VRK2: variants seen among roughly 807,000 people sequenced by gnomAD.
VRK2 encodes the protein serine/threonine-protein kinase VRK2.
A neutral mutation model predicts 57.6 loss-of-function variants in VRK2; 60 were observed. The ratio of observed to expected loss-of-function variants is 1.04; its 90% CI spans 0.85 to 1.29. The LOEUF (loss-of-function observed/expected upper bound fraction) is 1.29, where lower values mean the gene tolerates loss of function less well. VRK2 is among the 50% of genes most tolerant of loss of function. VRK2 has a pLI of 0.00. For missense variants in VRK2, 705 were observed against 588.1 expected (o/e 1.20, Z -2.06); for synonymous variants, 231 against 199.2 (o/e 1.16, Z -1.35).
At chr2:57,926,289 G>A (rs10188826) in intron 1 of VRK2, among the ~76,000 whole-genome samples, 45,012 of 151,514 alleles carry the variant, frequency 0.3, 7,845 homozygotes, top group African/African-American at 0.5. Flanking sequence ...TTGATTTTCT[G>A]TCTGGATGAT....
At chr2:58,108,942 A>T (rs1250559067) in intron 7 of VRK2, among the ~76,000 whole-genome samples, 1 of 152,204 alleles carries the variant, frequency 6.6e-6, no homozygotes, top group Non-Finnish European at 1.5e-5. Context: ...TTCTCAAAAG[A>T]TCTTAAAATA....
At chr2:58,126,766 C>T (rs981316501) in intron 8 of VRK2, among the ~76,000 whole-genome samples, 2 of 151,838 alleles carry the variant, frequency 1.3e-5, no homozygotes, top group African/African-American at 4.8e-5. Flanking sequence ...TTTATAAAAA[C>T]TAACATGTAT....
In VRK2 at chr2:58,131,843, T is replaced by C; in HGVS notation, c.712T>C (p.Tyr238His). The stretch of plus-strand genomic sequence containing the variant: ...ACGAAGTGACGTTGAGATCCTCGGC[T>C]ACTGCATGCTGCGGTGGTTGTGTGG... ...SRRSDVEILG[Y>H]CMLRWLCGKL... Residue 238 changes from tyrosine to histidine, a missense_variant, in exon 9 of 13, where the codon TAC (tyrosine) becomes CAC (histidine). By Grantham distance (83) the Tyr-to-His change is moderately conservative. Transcript: ENST00000340157. 6.2e-7 allele frequency: 1 copy of C among 1,613,974 alleles called. No individual in the cohort carries two copies. The highest frequency in any genetic ancestry group is 8.5e-7 in the Non-Finnish European group (1 of 1,179,928).
rs548364352 is a variant in VRK2, at chr2:58,089,414, C to T, written c.451-217C>T. Reference sequence around the variant, plus strand: ...TCTTGATTTTCTTCCTTTGGAACTTCAACTAAAATACTTGATTTTTGAGGA... The same window carrying T: ...TCTTGATTTTCTTCCTTTGGAACTTTAACTAAAATACTTGATTTTTGAGGA... On this transcript the variant is annotated intron_variant, in intron 6 of 12. Coordinates refer to ENST00000340157, the MANE Select transcript of VRK2 (RefSeq NM_006296.7). Among the ~76,000 whole-genome samples, 12 of 152,258 alleles carry T rather than the reference C, an allele frequency of 7.9e-5. No homozygotes were observed. In the East Asian group the frequency reaches 2.1e-3, roughly 27 times the overall value.
intron 3 of VRK2, among the ~76,000 whole-genome samples, chr2:58,034,275 G>A (rs1284759783): frequency 6.6e-6 from 1 of 151,934 alleles, no homozygotes; most frequent in Non-Finnish European, 1.5e-5. Context: ...TCTCACAGTT[G>A]TTGTTTTGGG....
chr2:58,035,907 G>C (rs946514511), intron 3 of VRK2, among the ~76,000 whole-genome samples: 4 of 152,024 alleles, frequency 2.6e-5, no homozygotes, highest in Non-Finnish European at 5.9e-5. Flanking sequence ...CCTCAAAATA[G>C]AGTTGTTCTT....
chr2:58,008,420 C>T (rs1673318762), intron 1 of VRK2, among the ~76,000 whole-genome samples: 1 of 151,770 alleles, frequency 6.6e-6, no homozygotes, highest in Admixed American at 6.6e-5. Context: ...CAGACAAATC[C>T]ACAATAATAG....
At chr2:58,038,832 A>G (rs960316849) in intron 3 of VRK2, among the ~76,000 whole-genome samples, 2 of 152,148 alleles carry the variant, frequency 1.3e-5, no homozygotes, top group African/African-American at 4.8e-5. Context: ...TGTCAATTTA[A>G]TATGCAAGCC....
chr2:58,145,806 G>A (rs1407267120), intron 11 of VRK2, among the ~76,000 whole-genome samples: 2 of 151,768 alleles, frequency 1.3e-5, no homozygotes, highest in Non-Finnish European at 2.9e-5. Context: ...CCCAGTGTGT[G>A]ATGTTCCCTA....
intron 6 of VRK2, among the ~76,000 whole-genome samples, chr2:58,089,386 G>A (rs1483925323): frequency 6.6e-6 from 1 of 152,138 alleles, no homozygotes; most frequent in Non-Finnish European, 1.5e-5. Context: ...AAGCATTTTT[G>A]AATCTTGATT....
chr2:58,038,365 A>G (rs1412531778), intron 3 of VRK2, among the ~76,000 whole-genome samples: 1 of 152,118 alleles, frequency 6.6e-6, no homozygotes, highest in Non-Finnish European at 1.5e-5. Flanking sequence ...TCTTTCCTTT[A>G]TAAACTACCC....
chr2:58,067,891 TTTTTCTTTTCTTTTC>T (rs553496866), intron 2 of VRK2, among the ~76,000 whole-genome samples: 3 of 151,872 alleles, frequency 2.0e-5, no homozygotes, highest in African/African-American at 4.8e-5. Context: ...TCAATATCTT[TTTTTCTTTTCTTTTC>T]TTTTCTTTTC....
At chr2:57,983,910 C>A (rs1264350693) in intron 1 of VRK2, among the ~76,000 whole-genome samples, 1 of 151,994 alleles carries the variant, frequency 6.6e-6, no homozygotes, top group Non-Finnish European at 1.5e-5. Flanking sequence ...AAGATAAAGT[C>A]ATCAATATTG....
chr2:58,040,917 A>T, intron 3 of VRK2: 2 of 583,982 alleles, frequency 3.4e-6, no homozygotes, highest in Non-Finnish European at 4.3e-6. Context: ...AACATGACTT[A>T]CATGACACAC....
In VRK2 at chr2:58,099,567, A is replaced by G. The variant is rs77947847; in HGVS notation, c.543+9844A>G. Among the ~76,000 whole-genome samples the G allele has an allele frequency of 4.2e-3, 640 of 152,198 alleles. 6 individuals carry two copies. Among genetic ancestry groups the G allele is most frequent in the African/African-American group, 0.015 (609 of 41,562 alleles). On this transcript the variant is annotated intron_variant, in intron 7 of 12. Transcript: ENST00000340157. ...AATATCTGTCATCTCAGTGCCAGGA[A>G]TACCTTGATTGTAGAGCTCCTTGCC...
chr2:57,989,294 T>G (rs1025072666), intron 1 of VRK2, among the ~76,000 whole-genome samples: 3 of 152,230 alleles, frequency 2.0e-5, no homozygotes, highest in African/African-American at 7.2e-5. Context: ...TCTCTCTTTT[T>G]GTGTCCAGAA....
intron 12 of VRK2, among the ~76,000 whole-genome samples, chr2:58,152,022 T>C (rs968959323): frequency 1.3e-5 from 2 of 151,678 alleles, no homozygotes; most frequent in African/African-American, 4.8e-5. Context: ...CAATCCTGCC[T>C]AACAGAAATA....
At chr2:57,938,873 C>T (rs1413643751) in intron 1 of VRK2, among the ~76,000 whole-genome samples, 1 of 152,102 alleles carries the variant, frequency 6.6e-6, no homozygotes, top group Non-Finnish European at 1.5e-5. Context: ...AAAAAAAGAA[C>T]TTGCTTTCCT....
In VRK2 at chr2:58,095,034, G is replaced by A. The variant is rs189711414; in HGVS notation, c.543+5311G>A. On this transcript the variant is annotated intron_variant, in intron 7 of 12. Transcript: ENST00000340157. ...ACTTGTGCTGGGCGCGGTGGCTCAC[G>A]CCTGTAATCTCAGCACTTTGGGAGG... Among the ~76,000 whole-genome samples the A allele has an allele frequency of 9.2e-4, 140 of 152,216 alleles. 1 individual carries two copies. Among genetic ancestry groups the A allele is most frequent in the African/African-American group, 3.1e-3 (128 of 41,550 alleles).
Sources: allele counts gnomAD v4.1 joint callset (sites outside exome capture counted in the v4.1 genomes callset), GRCh38; gene constraint gnomAD v4.1.1; transcripts MANE v1.5; gene names NCBI Gene and HGNC (gene_info 2026-07-23, HGNC 2026-07-21).